CNTN4: variants seen among roughly 807,000 people sequenced by gnomAD.
CNTN4 encodes the protein contactin 4, also known as contactin-4.
Under a neutral mutation model 122.5 loss-of-function variants are expected in CNTN4, and 77 were observed. The observed-to-expected ratio is 0.63, with a 90% confidence interval of 0.52 to 0.76. CNTN4 has a LOEUF of 0.76. Ranked by LOEUF, CNTN4 falls within the 30% of genes least tolerant of loss-of-function variation. CNTN4 has a pLI of 0.00. For synonymous variants in CNTN4, 512 were observed against 447.0 expected, an observed-to-expected ratio of 1.15 and a Z score of -1.83; for missense variants, 1,256 against 1,259.1, an observed-to-expected ratio of 1.00 and a Z score of 0.04.
At chr3:2,508,760 A>G (rs2076803424) in intron 3 of CNTN4, among the ~76,000 whole-genome samples, 1 of 152,072 alleles carries the variant, frequency 6.6e-6, no homozygotes, top group Non-Finnish European at 1.5e-5. Context: ...TGAGAAGACC[A>G]TTTCTTTTGT....
At chr3:2,346,568 T>C (rs1258368282) in intron 3 of CNTN4, among the ~76,000 whole-genome samples, 1 of 152,190 alleles carries the variant, frequency 6.6e-6, no homozygotes, top group Non-Finnish European at 1.5e-5. Flanking sequence ...TATTTTTCTT[T>C]TGCTGTTATT....
chr3:2,152,277 T>A, intron 2 of CNTN4, among the ~76,000 whole-genome samples: 1 of 151,610 alleles, frequency 6.6e-6, no homozygotes, highest in African/African-American at 2.4e-5. Flanking sequence ...TGGAACAGAG[T>A]GAGTGAGATG....
chr3:2,307,639 A>G (rs2042765021), intron 2 of CNTN4, among the ~76,000 whole-genome samples: 1 of 151,758 alleles, frequency 6.6e-6, no homozygotes, highest in African/African-American at 2.4e-5. Context: ...AGAGTGTTGC[A>G]TTTTTTAAAT....
intron 4 of CNTN4, among the ~76,000 whole-genome samples, chr3:2,672,329 C>T (rs562730544): frequency 9.8e-5 from 15 of 152,332 alleles, no homozygotes; most frequent in Non-Finnish European, 1.6e-4. Context: ...GCCCCTCCCC[C>T]AGCCTCGCTG....
intron 3 of CNTN4, among the ~76,000 whole-genome samples, chr3:2,468,776 C>G (rs1187807860): frequency 3.3e-5 from 5 of 151,884 alleles, no homozygotes; most frequent in Non-Finnish European, 7.4e-5. Context: ...GGTATGGTCT[C>G]AAAATGCCAT....
At position 3,007,038 on chromosome 3, in the gene CNTN4, C is replaced by A. The variant is rs948863312; in HGVS notation, c.1486+18566C>A. ...GTAGTTCCCTGAAAACATACCAAAT[C>A]CCAGCAGTGTTTTTGTAGCAGCACT... is the stretch of plus-strand genomic sequence containing the variant. On this transcript the variant is annotated intron_variant, in intron 14 of 24. Transcript: ENST00000418658. 9.2e-5 allele frequency among the ~76,000 whole-genome samples: 14 copies of A among 152,182 alleles called. 3 individuals carry two copies. The highest frequency in any genetic ancestry group is 6.5e-5 in the Admixed American group (1 of 15,288).
At chr3:2,229,002 A>C (rs1223412664) in intron 2 of CNTN4, among the ~76,000 whole-genome samples, 1 of 152,162 alleles carries the variant, frequency 6.6e-6, no homozygotes, top group Non-Finnish European at 1.5e-5. Context: ...TGTATATAAG[A>C]ATGATTACAA....
In CNTN4 at chr3:2,527,214, C is replaced by G. The variant is rs142381377; in HGVS notation, c.-88-44202C>G. 6.6e-4 allele frequency among the ~76,000 whole-genome samples: 101 copies of G among 152,314 alleles called. No individual in the cohort carries two copies. In the East Asian group the frequency reaches 0.017, roughly 25 times the overall value. Reference sequence around the variant, plus strand: ...ATTCCTTCTGGTCATTACATGTCCTCTGGCACTGTTTTCCAGCTGAGGGCT... The same window carrying G: ...ATTCCTTCTGGTCATTACATGTCCTGTGGCACTGTTTTCCAGCTGAGGGCT... On this transcript the variant is annotated intron_variant, in intron 3 of 24. Coordinates refer to ENST00000418658, the MANE Select transcript of CNTN4 (RefSeq NM_175607.3).
chr3:2,819,554 C>G lies in CNTN4; in HGVS notation c.427C>G (p.Leu143Val), dbSNP rs765679434. Reference sequence around the variant, plus strand: ...CCGTCGAGGTCAAGGAATGGTGCTACTGTGTGGCCCGCCACCCCATTCTGG... The same window carrying G: ...CCGTCGAGGTCAAGGAATGGTGCTAGTGTGTGGCCCGCCACCCCATTCTGG... ...SVRRGQGMVL[L>V]CGPPPHSGEL... The change falls in exon 7 of 25, where the codon CTG (leucine) becomes GTG (valine). Residue 143 changes from leucine (L) to valine (V), a missense_variant. Transcript: ENST00000418658. 6.2e-7 allele frequency: 1 copy of G among 1,613,876 alleles called. No homozygotes were observed. Among genetic ancestry groups the G allele is most frequent in the South Asian group, 1.1e-5 (1 of 91,086 alleles).
At chr3:2,700,351 C>G (rs976203038) in intron 4 of CNTN4, among the ~76,000 whole-genome samples, 4 of 152,240 alleles carry the variant, frequency 2.6e-5, no homozygotes, top group African/African-American at 9.6e-5. Flanking sequence ...GGCAAGAATT[C>G]CAGGTCCTTG....
chr3:2,341,388 C>T (rs1575415820), intron 3 of CNTN4, among the ~76,000 whole-genome samples: 1 of 152,206 alleles, frequency 6.6e-6, no homozygotes, highest in East Asian at 1.9e-4. Flanking sequence ...ATTGCATCTT[C>T]TTGTTCTTCA....
intron 8 of CNTN4, among the ~76,000 whole-genome samples, chr3:2,876,716 C>G (rs2093848851): frequency 6.6e-6 from 1 of 152,222 alleles, no homozygotes; most frequent in South Asian, 2.1e-4. Context: ...TGTGTTCTTA[C>G]AGACATCAGC....
intron 3 of CNTN4, among the ~76,000 whole-genome samples, chr3:2,353,758 G>C (rs1420952989): frequency 6.6e-6 from 1 of 152,178 alleles, no homozygotes; most frequent in Non-Finnish European, 1.5e-5. Context: ...AATTAGCCGG[G>C]TGTGGTGGCG....
chr3:2,692,004 A>T (rs941228185), intron 4 of CNTN4, among the ~76,000 whole-genome samples: 9 of 152,200 alleles, frequency 5.9e-5, no homozygotes, highest in Admixed American at 3.9e-4. Flanking sequence ...GGTGTGATGA[A>T]TGTCAACACC....
intron 10 of CNTN4, among the ~76,000 whole-genome samples, chr3:2,897,890 C>G (rs1268865008): frequency 6.6e-6 from 1 of 152,018 alleles, no homozygotes; most frequent in Non-Finnish European, 1.5e-5. Flanking sequence ...TATAGTTGAA[C>G]CTTGATATTA....
chr3:2,717,113 T>G (rs1268119266), intron 4 of CNTN4, among the ~76,000 whole-genome samples: 1 of 152,078 alleles, frequency 6.6e-6, no homozygotes, highest in Non-Finnish European at 1.5e-5. Flanking sequence ...TGTTTTCAAT[T>G]CTCTTGGGTA....
chr3:2,528,802 G>A (rs2149214305), intron 3 of CNTN4, among the ~76,000 whole-genome samples: 1 of 151,882 alleles, frequency 6.6e-6, no homozygotes, highest in Non-Finnish European at 1.5e-5. Context: ...CCTTTAGTAT[G>A]ACAAGCTATT....
At chr3:2,578,582 A>T (rs1430178880) in intron 4 of CNTN4, among the ~76,000 whole-genome samples, 2 of 152,246 alleles carry the variant, frequency 1.3e-5, no homozygotes, top group Admixed American at 1.3e-4. Flanking sequence ...TAAACCTAGT[A>T]CTACTCTGTT....
intron 3 of CNTN4, among the ~76,000 whole-genome samples, chr3:2,481,650 C>T (rs1208030640): frequency 6.6e-6 from 1 of 152,118 alleles, no homozygotes; most frequent in Non-Finnish European, 1.5e-5. Context: ...GGCTGTATCC[C>T]TACCCAAATC....
Sources: allele counts gnomAD v4.1 joint callset (sites outside exome capture counted in the v4.1 genomes callset), GRCh38; gene constraint gnomAD v4.1.1; transcripts MANE v1.5; gene names NCBI Gene and HGNC (gene_info 2026-07-23, HGNC 2026-07-21).